CNTN3: variants seen among roughly 807,000 people sequenced by gnomAD.
CNTN3 encodes contactin-3.
A neutral mutation model predicts 119.1 loss-of-function variants in CNTN3; 60 were observed. The observed-to-expected ratio is 0.50, with a 90% CI of 0.41 to 0.62. The LOEUF (loss-of-function observed/expected upper bound fraction) is 0.62. Ranked by LOEUF, CNTN3 falls within the 20% of genes least tolerant of loss-of-function variation. CNTN3 has a pLI of 0.00. For missense variants in CNTN3, 1,101 were observed against 1,242.4 expected (o/e 0.89, Z 1.71); for synonymous variants, 450 against 438.7 (o/e 1.03, Z -0.32).
chr3:74,565,758 A>T (rs1704216766), intron 1 of CNTN3, among the ~76,000 whole-genome samples: 1 of 152,156 alleles, frequency 6.6e-6, no homozygotes, highest in Non-Finnish European at 1.5e-5. Context: ...AGGTTGCTGT[A>T]ATTGAAAGAA....
Position 74,504,762 on chromosome 3 carries a change from A to T in CNTN3, c.56-4977T>A, listed in dbSNP as rs1212677321. 2.5e-5 allele frequency among the ~76,000 whole-genome samples: 3 copies of T among 122,270 alleles called. No individual in the cohort carries two copies. In the South Asian group the frequency reaches 7.3e-4, roughly 30 times the overall value. The allele number at this position is 122,270 out of a possible 152,430, so 80.2% of individuals were successfully genotyped here. A position where few individuals can be genotyped will look rare whatever the true frequency, so the allele number is the denominator to read the frequency against. On this transcript the variant is annotated intron_variant, in intron 2 of 22. Coordinates refer to ENST00000263665, the MANE Select transcript of CNTN3 (RefSeq NM_020872.3). ...ACTGTGGAGACTGAAAGCTCCAGAGATACTTTCCACAACTCTTTGTCATTC... is the reference window on the plus strand; with the variant it reads ...ACTGTGGAGACTGAAAGCTCCAGAGTTACTTTCCACAACTCTTTGTCATTC...
intron 13 of CNTN3, among the ~76,000 whole-genome samples, chr3:74,310,448 G>C (rs1425593368): frequency 6.6e-6 from 1 of 152,120 alleles, no homozygotes; most frequent in South Asian, 2.1e-4. Context: ...TAGGTGGGGG[G>C]CTTGATTGGA....
chr3:74,449,368 T>C (rs1355988376), intron 4 of CNTN3, among the ~76,000 whole-genome samples: 1 of 152,000 alleles, frequency 6.6e-6, no homozygotes, highest in Non-Finnish European at 1.5e-5. Flanking sequence ...ATGTACTCTT[T>C]TACAACACTA....
Position 74,494,186 on chromosome 3 carries a change from C to G in CNTN3, c.182+5473G>C, listed in dbSNP as rs556874989. Among the ~76,000 whole-genome samples, 371 of 152,214 alleles carry G rather than the reference C, an allele frequency of 2.4e-3. 1 individual carries two copies. The highest frequency in any genetic ancestry group is 8.4e-3 in the African/African-American group (348 of 41,548). On this transcript the variant is annotated intron_variant, in intron 3 of 22. Transcript: ENST00000263665. ...ACCTGGCCTGGCCAGTCAGAACATTCCATGGCTCAACCTTACCGATTGCTT... is the reference window on the plus strand; with the variant it reads ...ACCTGGCCTGGCCAGTCAGAACATTGCATGGCTCAACCTTACCGATTGCTT...
At chr3:74,549,759 A>C (rs1309708846) in intron 1 of CNTN3, among the ~76,000 whole-genome samples, 2 of 152,164 alleles carry the variant, frequency 1.3e-5, no homozygotes, top group East Asian at 3.9e-4. Context: ...GTGGTGTGCA[A>C]GTGACCCTTC....
At chr3:74,509,756 T>C (rs1292097072) in intron 2 of CNTN3, among the ~76,000 whole-genome samples, 1 of 152,164 alleles carries the variant, frequency 6.6e-6, no homozygotes, top group Non-Finnish European at 1.5e-5. Context: ...CACCAAATTG[T>C]GTAAGGAAGT....
chr3:74,511,327 T>C (rs1453743938), intron 2 of CNTN3, among the ~76,000 whole-genome samples: 3 of 152,110 alleles, frequency 2.0e-5, no homozygotes, highest in South Asian at 4.1e-4. Context: ...AATTCACATA[T>C]AATTACTTGC....
intron 1 of CNTN3, among the ~76,000 whole-genome samples, chr3:74,579,344 C>A (rs868571502): frequency 1.3e-4 from 19 of 150,122 alleles, no homozygotes; most frequent in Middle Eastern, 3.2e-3. Flanking sequence ...ATGAATACAA[C>A]AAGCAGATCC....
chr3:74,365,591 T>C lies in CNTN3; in HGVS notation c.1058A>G (p.Lys353Arg). 1 of 1,613,458 alleles carries C rather than the reference T, an allele frequency of 6.2e-7. No individual in the cohort carries two copies. Among genetic ancestry groups the C allele is most frequent in the East Asian group, 2.2e-5 (1 of 44,862 alleles). ...GKPKPSYRWLKNGAALVLEER... is the reference protein window; with the variant it reads ...GKPKPSYRWLRNGAALVLEER... ...CTCTAGCACCAGGGCTGCTCCATTT[T>C]TCAGCCATCGGTAGGAAGGCTTGGG... is the stretch of plus-strand genomic sequence containing the variant. The change falls in exon 9 of 23, where the codon AAA becomes AGA. Residue 353 changes from lysine (K) to arginine (R), a missense_variant. Transcript: ENST00000263665.
intron 4 of CNTN3, among the ~76,000 whole-genome samples, chr3:74,481,001 T>C (rs1423765157): frequency 6.6e-6 from 1 of 151,940 alleles, no homozygotes; most frequent in Non-Finnish European, 1.5e-5. Context: ...CAGACCGTAT[T>C]AATATAACAA....
chr3:74,386,403 G>C (rs1704744670), intron 5 of CNTN3, among the ~76,000 whole-genome samples: 1 of 152,122 alleles, frequency 6.6e-6, no homozygotes, highest in Admixed American at 6.6e-5. Context: ...TGGATGGCTT[G>C]ATCCCAGAGT....
At chr3:74,489,053 A>C (rs763013120) in intron 3 of CNTN3, among the ~76,000 whole-genome samples, 37 of 152,130 alleles carry the variant, frequency 2.4e-4, no homozygotes, top group Non-Finnish European at 3.8e-4. Context: ...AAGTCCTAGA[A>C]CTACAGAAAT....
chr3:74,511,986 A>T (rs990893351), intron 2 of CNTN3, among the ~76,000 whole-genome samples: 1 of 152,078 alleles, frequency 6.6e-6, no homozygotes, highest in Non-Finnish European at 1.5e-5. Context: ...TTAATATTCC[A>T]TTTAGCTTTA....
chr3:74,512,854 T>C (rs1308791526), intron 2 of CNTN3, among the ~76,000 whole-genome samples: 2 of 152,130 alleles, frequency 1.3e-5, no homozygotes, highest in Non-Finnish European at 2.9e-5. Flanking sequence ...TACATAATTA[T>C]GCTCCACTTA....
In CNTN3 at chr3:74,613,183, A is replaced by T. The variant is rs993465436; in HGVS notation, c.-81+1208T>A. 7.3e-5 allele frequency among the ~76,000 whole-genome samples: 11 copies of T among 151,056 alleles called. No individual in the cohort carries two copies. The East Asian group carries it at 1.9e-3, about 27-fold the overall frequency. On this transcript the variant is annotated intron_variant, in intron 1 of 22. Transcript: ENST00000263665. Reference sequence around the variant, plus strand: ...TCTGATTAATTCCTGTTTTTAATCTATTTACAGATCAGGATTCTTTTTCAG... The same window carrying T: ...TCTGATTAATTCCTGTTTTTAATCTTTTTACAGATCAGGATTCTTTTTCAG...
At chr3:74,378,466 C>T (rs1011125948) in intron 5 of CNTN3, among the ~76,000 whole-genome samples, 52 of 152,228 alleles carry the variant, frequency 3.4e-4, no homozygotes, top group African/African-American at 1.2e-3. Context: ...TAGGATACTA[C>T]CAAGTCTGAC....
intron 5 of CNTN3, among the ~76,000 whole-genome samples, chr3:74,393,029 T>A (rs1689587818): frequency 6.6e-6 from 1 of 152,124 alleles, no homozygotes; most frequent in African/African-American, 2.4e-5. Context: ...GGTGCTATTT[T>A]AAGATCTATC....
intron 1 of CNTN3, among the ~76,000 whole-genome samples, chr3:74,570,398 G>C (rs1704294196): frequency 6.6e-6 from 1 of 151,764 alleles, no homozygotes; most frequent in Admixed American, 6.6e-5. Flanking sequence ...TGTTCATGTA[G>C]AGAATTCTGC....
intron 20 of CNTN3, among the ~76,000 whole-genome samples, chr3:74,279,868 G>A (rs930060274): frequency 6.6e-6 from 1 of 152,132 alleles, no homozygotes; most frequent in African/African-American, 2.4e-5. Context: ...GGGCTGGGAA[G>A]GGTAGTGAGG....
Sources: allele counts gnomAD v4.1 joint callset (sites outside exome capture counted in the v4.1 genomes callset), GRCh38; gene constraint gnomAD v4.1.1; transcripts MANE v1.5; gene names NCBI Gene and HGNC (gene_info 2026-07-23, HGNC 2026-07-21).